FAM171B: variants seen among roughly 807,000 people sequenced by gnomAD.
The protein encoded by FAM171B is family with sequence similarity 171 member B, also known as protein FAM171B.
A neutral mutation model predicts 75.6 loss-of-function variants in FAM171B; 19 were observed. The observed-to-expected ratio is 0.25, with a 90% CI of 0.18 to 0.37. The LOEUF is 0.37. FAM171B is among the 10% of genes least tolerant of loss of function. The pLI, the probability that FAM171B is intolerant of heterozygous loss-of-function variation, is 1.00. For synonymous variants in FAM171B, 367 were observed against 361.7 expected, an observed-to-expected ratio of 1.01 and a Z score of -0.17; for missense variants, 848 against 982.4, an observed-to-expected ratio of 0.86 and a Z score of 1.83.
intron 1 of FAM171B, among the ~76,000 whole-genome samples, chr2:186,732,141 G>A (rs1690126649): frequency 6.6e-6 from 1 of 151,248 alleles, no homozygotes; most frequent in South Asian, 2.1e-4. Context: ...AAAAGGTTGG[G>A]AGGCACTGAT....
At chr2:186,744,385 A>G (rs1051967481) in intron 3 of FAM171B, among the ~76,000 whole-genome samples, 1 of 152,228 alleles carries the variant, frequency 6.6e-6, no homozygotes, top group African/African-American at 2.4e-5. Flanking sequence ...ATCTATTCCT[A>G]AAATATTCAA....
At chr2:186,715,788 G>A (rs1161009812) in intron 1 of FAM171B, among the ~76,000 whole-genome samples, 2 of 152,158 alleles carry the variant, frequency 1.3e-5, no homozygotes, top group African/African-American at 2.4e-5. Context: ...GTAGCTAGTA[G>A]AGTTTAAGCA....
At position 186,736,538 on chromosome 2, in the gene FAM171B, C is replaced by CTCTGTGTGTG. The variant is rs1553511468; in HGVS notation, c.239-3689_239-3688insCTGTGTGTGT. On this transcript the variant is annotated intron_variant, in intron 1 of 7. Transcript: ENST00000304698. ...GAGGTATACTGAAATATGTTTGTGG[C>CTCTGTGTGTG]TGTGTGTGTGTGTGTGTGTGTGTGT... 3.3e-4 allele frequency among the ~76,000 whole-genome samples: 41 copies of CTCTGTGTGTG among 122,978 alleles called. 1 individual carries two copies. The East Asian group carries it at 5.1e-3, about 15-fold the overall frequency. The allele number at this position is 122,978 out of a possible 152,430, so 80.7% of individuals were successfully genotyped here.
rs369747368 is a variant in FAM171B, at chr2:186,706,213, CTGAGA to C, written c.238+11804_238+11808del. ...AAAAACCTAAACCTTTTCCTCTCTC[CTGAGA>C]TAAGTATTAATCTTTGGTCTCTAAG... On this transcript the variant is annotated intron_variant, in intron 1 of 7. Coordinates refer to ENST00000304698, the MANE Select transcript of FAM171B (RefSeq NM_177454.4). 2.9e-3 allele frequency among the ~76,000 whole-genome samples: 446 copies of C among 152,300 alleles called. 4 individuals carry two copies. Among genetic ancestry groups the C allele is most frequent in the African/African-American group, 9.8e-3 (408 of 41,562 alleles).
rs1690673254 is a variant in FAM171B, at chr2:186,764,538, AC to A, written c.*1716del. Reference sequence around the variant, plus strand: ...TTAGAGAAGGCTTCTTATTGGTCTTACACAGAAAGATACATCAAAAGCAGCA... The same window carrying A: ...TTAGAGAAGGCTTCTTATTGGTCTTAACAGAAAGATACATCAAAAGCAGCA... On this transcript the variant is annotated 3_prime_UTR_variant, in exon 8 of 8. Transcript: ENST00000304698. 1 of 145,446 alleles carries A rather than the reference AC, an allele frequency of 6.9e-6. No homozygotes were observed. Among genetic ancestry groups the A allele is most frequent in the Non-Finnish European group, 1.5e-5 (1 of 66,824 alleles). The allele number at this position is 145,446 out of a possible 1,614,324, so 9.0% of individuals were successfully genotyped here.
intron 2 of FAM171B, 103 bp downstream of exon 2, chr2:186,740,564 T>C: frequency 9.9e-7 from 1 of 1,011,056 alleles, no homozygotes; most frequent in South Asian, 1.7e-5. Flanking sequence ...AAAATGAAAA[T>C]GCTTAAGTCA....
chr2:186,751,784 G>A (rs1163182042), intron 5 of FAM171B, among the ~76,000 whole-genome samples: 1 of 152,046 alleles, frequency 6.6e-6, no homozygotes, highest in Non-Finnish European at 1.5e-5. Flanking sequence ...AATAGCAGCT[G>A]GAAATATATG....
chr2:186,730,327 A>G (rs146637406), intron 1 of FAM171B, among the ~76,000 whole-genome samples: 68 of 152,346 alleles, frequency 4.5e-4, no homozygotes, highest in African/African-American at 1.4e-3. Context: ...GTGTATTAGG[A>G]TGAAATTGGA....
intron 4 of FAM171B, 99 bp downstream of exon 4, chr2:186,747,349 C>T: frequency 1.4e-6 from 1 of 708,330 alleles, no homozygotes; most frequent in South Asian, 4.2e-5. Context: ...AATATATAAG[C>T]TATGGATAAT....
chr2:186,710,308 T>G (rs1241106985), intron 1 of FAM171B, among the ~76,000 whole-genome samples: 1 of 152,202 alleles, frequency 6.6e-6, no homozygotes, highest in East Asian at 1.9e-4. Context: ...TTTTAGAGAC[T>G]AAGCGGGAGA....
chr2:186,757,473 T>TA, intron 6 of FAM171B, among the ~76,000 whole-genome samples: 1 of 152,254 alleles, frequency 6.6e-6, no homozygotes, highest in Non-Finnish European at 1.5e-5. Flanking sequence ...TGTATTACTA[T>TA]AAAATCAAAA....
chr2:186,752,438 G>A (rs1183213083), intron 5 of FAM171B, among the ~76,000 whole-genome samples: 5 of 152,202 alleles, frequency 3.3e-5, no homozygotes, highest in African/African-American at 1.2e-4. Context: ...TATAACCACG[G>A]TAGTATGCTA....
chr2:186,701,005 G>C (rs2594702), intron 1 of FAM171B, among the ~76,000 whole-genome samples: 145,113 of 152,122 alleles, frequency 0.95, 69,423 homozygotes, highest in Middle Eastern at 1. Context: ...CAACCTCTGC[G>C]TCCCAGGCTC....
chr2:186,731,745 A>G (rs1690117194), intron 1 of FAM171B, among the ~76,000 whole-genome samples: 1 of 152,124 alleles, frequency 6.6e-6, no homozygotes, highest in Non-Finnish European at 1.5e-5. Context: ...GTGAAGCTTC[A>G]TCTATGTTTA....
At chr2:186,720,423 G>A (rs1425408579) in intron 1 of FAM171B, among the ~76,000 whole-genome samples, 1 of 152,084 alleles carries the variant, frequency 6.6e-6, no homozygotes, top group Non-Finnish European at 1.5e-5. Context: ...ATTTTGGTGA[G>A]TCACATAGTA....
chr2:186,694,290 C>T lies in FAM171B; in HGVS notation c.117C>T (p.Leu39=), dbSNP rs376618882. The part of the protein sequence containing the change: ...AARAELSRSD[L]SLIQQQQQQQ... ...GAGCGGAACTCAGCCGCTCCGACCT[C>T]AGCCTCATCCAACAGCAGCAGCAGC... Residue 39 remains leucine (L), a synonymous_variant, in exon 1 of 8, where the codon CTC becomes CTT. Coordinates refer to ENST00000304698, the MANE Select transcript of FAM171B (RefSeq NM_177454.4). 129 of 1,606,198 alleles carry T rather than the reference C, an allele frequency of 8.0e-5. No homozygotes were observed. The highest frequency in any genetic ancestry group is 1.0e-4 in the Non-Finnish European group (123 of 1,178,208).
chr2:186,747,296 C>A (rs776700718), intron 4 of FAM171B, 46 bp downstream of exon 4: 9 of 1,314,362 alleles, frequency 6.8e-6, no homozygotes, highest in Non-Finnish European at 9.2e-6. Context: ...AACATTAGTA[C>A]ACAAATCTTT....
chr2:186,738,795 T>A (rs1690244100), intron 1 of FAM171B, among the ~76,000 whole-genome samples: 1 of 152,206 alleles, frequency 6.6e-6, no homozygotes, highest in African/African-American at 2.4e-5. Flanking sequence ...TGCTGTCCTT[T>A]CTTCTTTTTT....
chr2:186,743,451 G>C (rs780662259), intron 2 of FAM171B, 32 bp from the exon 3 acceptor site: 1 of 1,490,722 alleles, frequency 6.7e-7, no homozygotes, highest in South Asian at 1.2e-5. Context: ...CTCACATTAA[G>C]TAAAATATTC....
Sources: allele counts gnomAD v4.1 joint callset (sites outside exome capture counted in the v4.1 genomes callset), GRCh38; gene constraint gnomAD v4.1.1; transcripts MANE v1.5; gene names NCBI Gene and HGNC (gene_info 2026-07-23, HGNC 2026-07-21).